SPTAN1: variants seen among roughly 807,000 people sequenced by gnomAD.
The protein encoded by SPTAN1 is spectrin alpha, non-erythrocytic 1, also known as spectrin alpha chain, non-erythrocytic 1.
Under a neutral mutation model 331.3 loss-of-function variants are expected in SPTAN1, and 61 were observed. That is an observed-to-expected ratio of 0.18 (90% CI 0.15 to 0.23). SPTAN1 has a LOEUF of 0.23. SPTAN1 is among the 10% of genes least tolerant of loss of function. The pLI, the probability that SPTAN1 is intolerant of heterozygous loss-of-function variation, is 1.00. For synonymous variants in SPTAN1, 1,153 were observed against 1,173.9 expected (o/e 0.98, Z 0.36); for missense variants, 2,043 against 3,147.9 (o/e 0.65, Z 8.40).
rs369108363 is a variant in SPTAN1 at position 128,604,432 on chromosome 9, C to G, written c.3719+15C>G. The stretch of plus-strand genomic sequence containing the variant: ...AGGTTCCACAGGTGAGGGGTCAGCC[C>G]TGGGCTGGGAGAGGGAGAAACAGGT... On this transcript the variant is annotated intron_variant, in intron 29 of 56. Coordinates refer to ENST00000372739, the MANE Select transcript of SPTAN1 (RefSeq NM_001130438.3). The G allele has an allele frequency of 6.8e-6, 11 of 1,609,246 alleles. No individual in the cohort carries two copies. Among genetic ancestry groups the G allele is most frequent in the Admixed American group, 1.7e-5 (1 of 59,294 alleles).
intron 1 of SPTAN1, among the ~76,000 whole-genome samples, chr9:128,556,943 G>A (rs1245203400): frequency 6.6e-6 from 1 of 152,188 alleles, no homozygotes; most frequent in Non-Finnish European, 1.5e-5. Flanking sequence ...TCTTAGGGAA[G>A]CCCTTCCACA....
chr9:128,611,671 C>T (rs1589325159), intron 37 of SPTAN1, 43 bp from the exon 38 acceptor site: 2 of 1,610,758 alleles, frequency 1.2e-6, no homozygotes, highest in Non-Finnish European at 1.7e-6. Context: ...AAGACATAAC[C>T]TAGCAGGAAC....
intron 2 of SPTAN1, among the ~76,000 whole-genome samples, chr9:128,567,898 A>C (rs1850223472): frequency 6.6e-6 from 1 of 151,752 alleles, no homozygotes; most frequent in South Asian, 2.1e-4. Flanking sequence ...GTAGCTGGGA[A>C]TGTAGGCACG....
rs972500325 is a variant in SPTAN1 at position 128,607,879 on chromosome 9, G to A, written c.4174G>A (p.Ala1392Thr). ...ACACCGGACAGAAATCGATGCCAGG[G>A]CTGGCACTTTCCAGGCATTTGAGCA... The part of the protein sequence containing the change: ...QEHRTEIDAR[A>T]GTFQAFEQFG... The change falls in exon 33 of 57, where the codon GCT becomes ACT. Residue 1392 changes from alanine to threonine, a missense_variant. Ala to Thr is a moderately conservative substitution (Grantham distance 58, BLOSUM62 0). Around this residue, in one of 12 missense-constraint regions of SPTAN1, gnomAD observed 179 missense variants for 215.7 expected, o/e 0.83. Transcript: ENST00000372739. 1.2e-6 allele frequency: 2 copies of A among 1,613,926 alleles called. No homozygotes were observed. Among genetic ancestry groups the A allele is most frequent in the Admixed American group, 3.3e-5 (2 of 59,980 alleles).
intron 41 of SPTAN1, among the ~76,000 whole-genome samples, chr9:128,616,802 C>T (rs530212688): frequency 8.2e-4 from 125 of 152,044 alleles, no homozygotes; most frequent in African/African-American, 2.9e-3. Flanking sequence ...CATGGTGGCA[C>T]GTGCCTGTAA....
intron 51 of SPTAN1, 199 bp downstream of exon 51, chr9:128,628,141 G>A: frequency 1.3e-6 from 1 of 777,700 alleles, no homozygotes; most frequent in Non-Finnish European, 2.3e-6. Context: ...CCCCGATAGA[G>A]CCTTCAAGCC....
At position 128,630,102 on chromosome 9, in the gene SPTAN1, C is replaced by G. The variant is rs1432786454; in HGVS notation, c.6708-219C>G. On this transcript the variant is annotated intron_variant, in intron 51 of 56. Transcript: ENST00000372739. ...CGAGTGGGCTCAGCCCTGGCCCACA[C>G]CAAGGCAGCAGCTTCCCATCTCTAA... 3 of 726,794 alleles carry G rather than the reference C, an allele frequency of 4.1e-6. No individual in the cohort carries two copies. The African/African-American group carries it at 5.2e-5, about 12-fold the overall frequency. 45.0% of individuals were successfully genotyped at this position (726,794 alleles called of 1,614,324 possible). A position where few individuals can be genotyped will look rare whatever the true frequency, so the allele number is the denominator to read the frequency against.
intron 1 of SPTAN1, chr9:128,553,507 A>G (rs1848351132): frequency 6.6e-6 from 1 of 152,246 alleles, no homozygotes; most frequent in Non-Finnish European, 1.5e-5. Context: ...GTTGAATGAT[A>G]GAACAGTCTT....
chr9:128,576,906 G>T lies in SPTAN1; in HGVS notation c.735G>T (p.Leu245=). The change falls in exon 6 of 57, where the codon CTG becomes CTT. Residue 245 remains leucine, a synonymous_variant. Transcript: ENST00000372739. ...AAWQRLKGLA[L]QRQGKLFGAA... ...GGCAGCGGCTGAAGGGCCTGGCTCT[G>T]CAGAGGCAGGGGAAGCTCTTTGGGG... 1 of 1,614,174 alleles carries T rather than the reference G, an allele frequency of 6.2e-7. No homozygotes were observed. Among genetic ancestry groups the T allele is most frequent in the African/African-American group, 1.3e-5 (1 of 75,066 alleles).
In SPTAN1 at chr9:128,629,197, C is replaced by T; in HGVS notation, c.6708-1124C>T. On this transcript the variant is annotated intron_variant, in intron 51 of 56. Transcript: ENST00000372739. This position sits in a 1 kb window ranked among gnomAD's most constrained non-coding sequence, Gnocchi z 4.9. ...ATGATCTGTCTGGAAGGTTTTTCTC[C>T]TTATTTCTCTTCTTACCTCACTGTG... 2 of 398,610 alleles carry T rather than the reference C, an allele frequency of 5.0e-6. No homozygotes were observed. Among genetic ancestry groups the T allele is most frequent in the Non-Finnish European group, 8.8e-6 (2 of 226,126 alleles). 24.7% of individuals were successfully genotyped at this position (398,610 alleles called of 1,614,324 possible). A position where few individuals can be genotyped will look rare whatever the true frequency, so the allele number is the denominator to read the frequency against.
intron 24 of SPTAN1, among the ~76,000 whole-genome samples, chr9:128,597,979 G>A (rs1275446003): frequency 1.4e-5 from 2 of 144,090 alleles, no homozygotes; most frequent in South Asian, 2.2e-4. Context: ...ATGGAGTTTC[G>A]CTCTTGTTGC....
At chr9:128,559,538 G>A (rs746382393) in intron 1 of SPTAN1, among the ~76,000 whole-genome samples, 7 of 152,084 alleles carry the variant, frequency 4.6e-5, no homozygotes, top group Admixed American at 6.6e-5. Flanking sequence ...GTGCAGTGTC[G>A]TTATTGTTCC....
At chr9:128,606,109 C>A (rs571073374) in intron 31 of SPTAN1, among the ~76,000 whole-genome samples, 37 of 152,068 alleles carry the variant, frequency 2.4e-4, no homozygotes, top group African/African-American at 8.9e-4. Context: ...CGGTGGCTCA[C>A]GCCTGTAATC....
intron 1 of SPTAN1, among the ~76,000 whole-genome samples, chr9:128,557,954 C>A (rs1316693518): frequency 6.6e-6 from 1 of 152,072 alleles, no homozygotes; most frequent in Non-Finnish European, 1.5e-5. Flanking sequence ...CAGGTGCCCG[C>A]CACCACGCCC....
rs1294378935 is a variant in SPTAN1, at chr9:128,624,956, G to T, written c.5993-147G>T. On this transcript the variant is annotated intron_variant, in intron 46 of 56. Coordinates refer to ENST00000372739, the MANE Select transcript of SPTAN1 (RefSeq NM_001130438.3). ...AGGCCAGGCCTGGGTGCAGGGAGGG[G>T]CCTGCTAATGTGGGTTCTGAGGCTG... 5 of 760,528 alleles carry T rather than the reference G, an allele frequency of 6.6e-6. No individual in the cohort carries two copies. In the African/African-American group the frequency reaches 6.9e-5, roughly 10 times the overall value. The allele number at this position is 760,528 out of a possible 1,614,324, so 47.1% of individuals were successfully genotyped here.
rs887331996 is a variant in SPTAN1, at chr9:128,627,373, C to G, written c.6577-13C>G. On this transcript the variant is annotated splice_polypyrimidine_tract_variant and intron_variant, in intron 49 of 56. Coordinates refer to ENST00000372739, the MANE Select transcript of SPTAN1 (RefSeq NM_001130438.3). This position sits in a 1 kb window ranked among gnomAD's most constrained non-coding sequence, Gnocchi z 4.9. ...ACAGCAGCGCACAGCATCTGCCCCC[C>G]TTTGGCCCTCAGGAGAGGGAGCTGG... 1 of 1,550,490 alleles carries G rather than the reference C, an allele frequency of 6.4e-7. No homozygotes were observed.
Position 128,582,857 on chromosome 9 carries a change from A to T in SPTAN1, c.1806+8A>T, listed in dbSNP as rs762990214. 1 of 1,612,114 alleles carries T rather than the reference A, an allele frequency of 6.2e-7. No individual in the cohort carries two copies. The highest frequency in any genetic ancestry group is 1.1e-5 in the South Asian group (1 of 91,012). ...ACAGATGAAGCTTATAAAGTAATGT[A>T]CTGTTAGTGTTGCCATGTAGCACTC... On this transcript the variant is annotated splice_region_variant and intron_variant, in intron 14 of 56. Coordinates refer to ENST00000372739, the MANE Select transcript of SPTAN1 (RefSeq NM_001130438.3).
chr9:128,581,591 A>G (rs1851955591), intron 11 of SPTAN1, among the ~76,000 whole-genome samples, 191 bp from the exon 12 acceptor site: 1 of 152,232 alleles, frequency 6.6e-6, no homozygotes, highest in African/African-American at 2.4e-5. Flanking sequence ...ATAGGATTTC[A>G]TGATATGGCT....
At chr9:128,571,598 A>C (rs1850739091) in intron 3 of SPTAN1, among the ~76,000 whole-genome samples, 1 of 152,154 alleles carries the variant, frequency 6.6e-6, no homozygotes, top group Non-Finnish European at 1.5e-5. Flanking sequence ...AAAAGTAAAA[A>C]AATAAAATAA....
Sources: allele counts gnomAD v4.1 joint callset (sites outside exome capture counted in the v4.1 genomes callset), GRCh38; gene constraint gnomAD v4.1.1; regional missense constraint gnomAD v4.1.1; non-coding constraint Gnocchi (gnomAD v3.1); transcripts MANE v1.5; gene names NCBI Gene and HGNC (gene_info 2026-07-23, HGNC 2026-07-21).